The following MYO1D variants were observed in gnomAD, a reference collection of about 807,000 sequenced individuals.
MYO1D encodes unconventional myosin-Id.
A neutral mutation model predicts 122.0 loss-of-function variants in MYO1D; 83 were observed. That is an observed-to-expected ratio of 0.68 (90% confidence interval 0.57 to 0.82). The LOEUF is 0.82. Among genes scored for constraint, MYO1D ranks in the 40% least tolerant of loss-of-function variants. The pLI is 0.00. For synonymous variants in MYO1D, 464 were observed against 446.9 expected (o/e 1.04, Z -0.48); for missense variants, 1,157 against 1,269.5 (o/e 0.91, Z 1.35).
At chr17:32,874,549 G>A (rs540014055) in intron 1 of MYO1D, among the ~76,000 whole-genome samples, 9 of 152,230 alleles carry the variant, frequency 5.9e-5, no homozygotes, top group Admixed American at 4.6e-4. Context: ...TCACCTCTTC[G>A]AGAGGTAAGC....
rs763958438 is a variant in MYO1D, at chr17:32,653,837, C to T, written c.2595+6G>A. 1.5e-5 allele frequency: 24 copies of T among 1,609,936 alleles called. No homozygotes were observed. The Admixed American group carries it at 1.7e-4, about 11-fold the overall frequency. On this transcript the variant is annotated splice_donor_region_variant and intron_variant, in intron 19 of 21. Coordinates refer to ENST00000318217, the MANE Select transcript of MYO1D (RefSeq NM_015194.3). Reference sequence around the variant, plus strand: ...TCCAAGATGATCTGGTTTAAGCTTGCCTTACCTTACGGACGTGACAGGAAA... The same window carrying T: ...TCCAAGATGATCTGGTTTAAGCTTGTCTTACCTTACGGACGTGACAGGAAA...
At chr17:32,673,415 T>C (rs1271685254) in intron 16 of MYO1D, among the ~76,000 whole-genome samples, 2 of 152,124 alleles carry the variant, frequency 1.3e-5, no homozygotes, top group Non-Finnish European at 1.5e-5. Context: ...ACATGCTACA[T>C]TTTTTAATAA....
chr17:32,780,114 C>T (rs2090220042), intron 2 of MYO1D, among the ~76,000 whole-genome samples: 1 of 152,110 alleles, frequency 6.6e-6, no homozygotes, highest in Non-Finnish European at 1.5e-5. Context: ...GCTTCAATAA[C>T]TCAGCCCCTC....
At chr17:32,604,226 A>G (rs2087599058) in intron 21 of MYO1D, among the ~76,000 whole-genome samples, 1 of 152,174 alleles carries the variant, frequency 6.6e-6, no homozygotes, top group Non-Finnish European at 1.5e-5. Flanking sequence ...ATACTTGATT[A>G]ATTTTAGGAA....
At chr17:32,702,922 G>GC (rs1186834924) in intron 16 of MYO1D, among the ~76,000 whole-genome samples, 1 of 152,200 alleles carries the variant, frequency 6.6e-6, no homozygotes, top group African/African-American at 2.4e-5. Flanking sequence ...GTAAGGGGTA[G>GC]CATAATTTAA....
chr17:32,710,865 CAAT>C (rs1048067018), intron 16 of MYO1D, among the ~76,000 whole-genome samples: 10 of 152,078 alleles, frequency 6.6e-5, no homozygotes, highest in South Asian at 2.1e-4. Flanking sequence ...AGTAAAACAA[CAAT>C]GAGATATCAT....
At chr17:32,628,833 T>C (rs1411250377) in intron 20 of MYO1D, among the ~76,000 whole-genome samples, 1 of 152,210 alleles carries the variant, frequency 6.6e-6, no homozygotes, top group African/African-American at 2.4e-5. Flanking sequence ...CTGGCAGTTC[T>C]TACAAAGCTA....
Position 32,755,598 on chromosome 17 carries a change from G to A in MYO1D, c.1361C>T (p.Ala454Val). 6.2e-7 allele frequency: 1 copy of A among 1,613,802 alleles called. No individual in the cohort carries two copies. ...ATTCATGCAAGCATCATCAAGGATT[G>A]CAATGATCCCTTTGTGCTGTTGCTC... ...LVEQQHKGII[A>V]ILDDACMNVG... The change falls in exon 11 of 22, where the codon GCA becomes GTA. Residue 454 changes from alanine to valine, a missense_variant. Coordinates refer to ENST00000318217, the MANE Select transcript of MYO1D (RefSeq NM_015194.3).
chr17:32,676,967 T>C (rs1308739098), intron 16 of MYO1D, among the ~76,000 whole-genome samples: 1 of 151,974 alleles, frequency 6.6e-6, no homozygotes, highest in East Asian at 1.9e-4. Context: ...CCCACCACCA[T>C]GCCCGGCTAA....
chr17:32,516,801 G>C (rs1480119761), intron 21 of MYO1D, among the ~76,000 whole-genome samples: 2 of 152,168 alleles, frequency 1.3e-5, no homozygotes, highest in Non-Finnish European at 2.9e-5. Context: ...GGGAGAGAGA[G>C]AGCAGAATGG....
chr17:32,661,674 C>T (rs2088567759), intron 16 of MYO1D, among the ~76,000 whole-genome samples: 2 of 151,698 alleles, frequency 1.3e-5, no homozygotes, highest in Non-Finnish European at 2.9e-5. Flanking sequence ...AAAATACCCC[C>T]CCAAAAAACC....
chr17:32,687,208 T>G (rs1243862022), intron 16 of MYO1D, among the ~76,000 whole-genome samples: 1 of 148,614 alleles, frequency 6.7e-6, no homozygotes, highest in Non-Finnish European at 1.5e-5. Flanking sequence ...TTTTTTTTTT[T>G]TTTTCTGAGA....
chr17:32,590,884 G>C (rs942891741), intron 21 of MYO1D, among the ~76,000 whole-genome samples: 1 of 152,122 alleles, frequency 6.6e-6, no homozygotes, highest in Non-Finnish European at 1.5e-5. Context: ...TTAGAGCTAC[G>C]GCCTTTAAAA....
chr17:32,557,035 G>A (rs2087073791), intron 21 of MYO1D, among the ~76,000 whole-genome samples: 1 of 152,028 alleles, frequency 6.6e-6, no homozygotes, highest in African/African-American at 2.4e-5. Flanking sequence ...GATGAATGTA[G>A]AGAATGGCCA....
chr17:32,744,960 C>T (rs1056691539), intron 13 of MYO1D, among the ~76,000 whole-genome samples: 1 of 152,192 alleles, frequency 6.6e-6, no homozygotes, highest in Non-Finnish European at 1.5e-5. Context: ...TGCTGGAAGG[C>T]TGGCAGCAGT....
At chr17:32,724,104 T>C (rs1172930336) in intron 14 of MYO1D, among the ~76,000 whole-genome samples, 1 of 152,158 alleles carries the variant, frequency 6.6e-6, no homozygotes, top group East Asian at 1.9e-4. Flanking sequence ...AAAAACTTAA[T>C]AGGATGGGGA....
intron 21 of MYO1D, among the ~76,000 whole-genome samples, chr17:32,502,026 C>T (rs1007457964): frequency 3.3e-5 from 5 of 152,142 alleles, no homozygotes; most frequent in Admixed American, 6.5e-5. Flanking sequence ...CAGCTGGTGA[C>T]CACTGGTAGG....
intron 20 of MYO1D, 119 bp downstream of exon 20, chr17:32,638,603 C>T (rs898922911): frequency 1.9e-5 from 11 of 587,522 alleles, no homozygotes; most frequent in Non-Finnish European, 3.3e-5. Flanking sequence ...CATAAAATTT[C>T]AGGAATTCAT....
intron 21 of MYO1D, among the ~76,000 whole-genome samples, chr17:32,564,388 C>T (rs956224701): frequency 2.0e-5 from 3 of 152,176 alleles, no homozygotes; most frequent in Non-Finnish European, 4.4e-5. Context: ...TCTTGGTCAG[C>T]ATGTGGTCCC....
Sources: allele counts gnomAD v4.1 joint callset (sites outside exome capture counted in the v4.1 genomes callset), GRCh38; gene constraint gnomAD v4.1.1; transcripts MANE v1.5; gene names NCBI Gene and HGNC (gene_info 2026-07-23, HGNC 2026-07-21).